The following GCH1 variants were observed in gnomAD, a reference collection of about 807,000 sequenced individuals.
GCH1 encodes GTP cyclohydrolase 1.
In GCH1, 5 loss-of-function variants were observed where a neutral mutation model predicts 25.9. The ratio of observed to expected loss-of-function variants is 0.19; its 90% CI spans 0.10 to 0.41. The LOEUF is 0.41. Ranked by LOEUF, GCH1 falls within the 10% of genes least tolerant of loss-of-function variation. The pLI is 1.00. For missense variants in GCH1, 261 were observed against 336.5 expected (o/e 0.78, Z 1.75); for synonymous variants, 159 against 129.6 (o/e 1.23, Z -1.54).
intron 1 of GCH1, among the ~76,000 whole-genome samples, chr14:54,891,483 C>A (rs2040422472): frequency 6.8e-6 from 1 of 147,562 alleles, no homozygotes. Context: ...AATCCCAGTT[C>A]ACTGCAACCT....
chr14:54,890,438 CG>C (rs2040409399), intron 1 of GCH1, among the ~76,000 whole-genome samples: 2 of 152,098 alleles, frequency 1.3e-5, no homozygotes, highest in African/African-American at 2.4e-5. Flanking sequence ...GTGGAGGTTG[CG>C]GTGAGACGAG....
chr14:54,892,037 C>T lies in GCH1; in HGVS notation c.343+10284G>A, dbSNP rs7147040. Among the ~76,000 whole-genome samples the T allele has an allele frequency of 5.7e-3, 865 of 152,236 alleles. 12 individuals are homozygous for T. The highest frequency in any genetic ancestry group is 0.02 in the African/African-American group (815 of 41,534). ...AGTTTATTAATGAACAAAATCATTA[C>T]GCTGAGGTTGCTAAAACTATATTAA... On this transcript the variant is annotated intron_variant, in intron 1 of 5. Transcript: ENST00000491895.
At chr14:54,853,551 G>A (rs1221989017) in intron 3 of GCH1, among the ~76,000 whole-genome samples, 1 of 152,064 alleles carries the variant, frequency 6.6e-6, no homozygotes, top group Non-Finnish European at 1.5e-5. Context: ...ATCTTGATAC[G>A]CTGTGCCAAG....
At chr14:54,845,228 C>A (rs912642704) in intron 5 of GCH1, among the ~76,000 whole-genome samples, 2 of 151,700 alleles carry the variant, frequency 1.3e-5, no homozygotes, top group African/African-American at 4.8e-5. Flanking sequence ...GCCTGTAATC[C>A]TAGCACTTTG....
chr14:54,898,586 C>T (rs1454749039), intron 1 of GCH1, among the ~76,000 whole-genome samples: 1 of 152,016 alleles, frequency 6.6e-6, no homozygotes, highest in Admixed American at 6.6e-5. Flanking sequence ...TTGTTCTATA[C>T]CTTTTTCTAT....
chr14:54,896,307 T>C (rs1190024713), intron 1 of GCH1, among the ~76,000 whole-genome samples: 1 of 152,146 alleles, frequency 6.6e-6, no homozygotes, highest in Non-Finnish European at 1.5e-5. Flanking sequence ...GAAGCGTTTA[T>C]GGACCTAAAG....
intron 1 of GCH1, among the ~76,000 whole-genome samples, chr14:54,866,916 G>A (rs750877269): frequency 9.9e-5 from 15 of 152,192 alleles, no homozygotes; most frequent in African/African-American, 1.4e-4. Flanking sequence ...AGAAAAAGGC[G>A]CAGTGTCACT....
intron 2 of GCH1, among the ~76,000 whole-genome samples, chr14:54,861,266 T>C (rs1190059287): frequency 6.6e-6 from 1 of 152,140 alleles, no homozygotes; most frequent in Non-Finnish European, 1.5e-5. Context: ...AAAAGTAAAA[T>C]AGCACCTGAA....
In GCH1 at chr14:54,902,018, G is replaced by A. The variant is rs373428377; in HGVS notation, c.343+303C>T. 3.9e-5 allele frequency among the ~76,000 whole-genome samples: 6 copies of A among 152,302 alleles called. No individual in the cohort carries two copies. The East Asian group carries it at 5.8e-4, about 15-fold the overall frequency. On this transcript the variant is annotated intron_variant, in intron 1 of 5. Coordinates refer to ENST00000491895, the MANE Select transcript of GCH1 (RefSeq NM_000161.3). ...TGGGCGCTCAGGCGAGAGGGCTCCGGGCTCCCGTCCACGCCCACCCGGGGC... is the reference window on the plus strand; with the variant it reads ...TGGGCGCTCAGGCGAGAGGGCTCCGAGCTCCCGTCCACGCCCACCCGGGGC...
intron 1 of GCH1, among the ~76,000 whole-genome samples, chr14:54,897,215 T>C (rs2140120560): frequency 6.7e-6 from 1 of 148,638 alleles, no homozygotes; most frequent in East Asian, 2.1e-4. Context: ...CTTGATCTCT[T>C]GACCTCGTTA....
intron 2 of GCH1, among the ~76,000 whole-genome samples, chr14:54,863,331 A>G (rs1485171461): frequency 1.3e-5 from 2 of 148,272 alleles, no homozygotes; most frequent in Non-Finnish European, 3.0e-5. Context: ...CTGAGGTGAG[A>G]GAATGGCGTG....
intron 1 of GCH1, among the ~76,000 whole-genome samples, chr14:54,869,188 G>T (rs984793555): frequency 2.0e-5 from 3 of 150,656 alleles, no homozygotes; most frequent in African/African-American, 7.3e-5. Flanking sequence ...ACAGGCACGT[G>T]CCACCAAACT....
At chr14:54,890,703 T>C (rs2040412030) in intron 1 of GCH1, among the ~76,000 whole-genome samples, 1 of 152,246 alleles carries the variant, frequency 6.6e-6, no homozygotes, top group Admixed American at 6.5e-5. Flanking sequence ...ATTTTAACTC[T>C]GGTACAGGTA....
At chr14:54,871,998 G>A (rs916359903) in intron 1 of GCH1, among the ~76,000 whole-genome samples, 1 of 151,354 alleles carries the variant, frequency 6.6e-6, no homozygotes. Context: ...TACAGAGAAT[G>A]CCACAAAGAT....
At chr14:54,889,527 A>C (rs2040397883) in intron 1 of GCH1, among the ~76,000 whole-genome samples, 1 of 152,208 alleles carries the variant, frequency 6.6e-6, no homozygotes, top group Non-Finnish European at 1.5e-5. Flanking sequence ...TGCACATCAC[A>C]AACATTTGGA....
chr14:54,902,463 G>GTTCA lies in GCH1; in HGVS notation c.197_200dup (p.Leu68GlufsTer4). 6.2e-7 allele frequency: 1 copy of GTTCA among 1,612,556 alleles called. No homozygotes were observed. Among genetic ancestry groups the GTTCA allele is most frequent in the Non-Finnish European group, 8.5e-7 (1 of 1,179,676 alleles). On this transcript the variant is annotated frameshift_variant, in exon 1 of 6. Transcript: ENST00000491895. LOFTEE classifies it high-confidence loss of function. Reference sequence around the variant, plus strand: ...AGTAGGCGGCTGCCAGGTTAGGGAGGTTCAGCTCGTTATCCTCCTCGCTGC... The same window carrying GTTCA: ...AGTAGGCGGCTGCCAGGTTAGGGAGGTTCATTCAGCTCGTTATCCTCCTCGCTGC...
chr14:54,885,950 G>T, intron 1 of GCH1: 1 of 244,096 alleles, frequency 4.1e-6, no homozygotes, highest in South Asian at 5.0e-5. Context: ...TCACACAACA[G>T]CCCAGACAGG....
At position 54,863,983 on chromosome 14, in the gene GCH1, C is replaced by T. The variant is rs188572981; in HGVS notation, c.453+1344G>A. Among the ~76,000 whole-genome samples, 71 of 152,170 alleles carry T rather than the reference C, an allele frequency of 4.7e-4. 1 individual carries two copies. The highest frequency in any genetic ancestry group is 1.7e-3 in the African/African-American group (69 of 41,508). ...AAGCCATCCTCCCATCTCAGCCTCC[C>T]GAGTAGCTGGCAGTACAGGCATGCA... On this transcript the variant is annotated intron_variant, in intron 2 of 5. Transcript: ENST00000491895.
At chr14:54,880,856 T>C (rs1203290780) in intron 1 of GCH1, among the ~76,000 whole-genome samples, 1 of 90,762 alleles carries the variant, frequency 1.1e-5, no homozygotes, top group Non-Finnish European at 1.9e-5. Flanking sequence ...TCCATATATA[T>C]ATACTCCATA....
Sources: allele counts gnomAD v4.1 joint callset (sites outside exome capture counted in the v4.1 genomes callset), GRCh38; gene constraint gnomAD v4.1.1; transcripts MANE v1.5; gene names NCBI Gene and HGNC (gene_info 2026-07-23, HGNC 2026-07-21).